The following DCC variants were observed in gnomAD, a reference collection of about 807,000 sequenced individuals.
DCC encodes netrin receptor DCC.
In DCC, 58 loss-of-function variants were observed where a neutral mutation model predicts 172.5. The ratio of observed to expected loss-of-function variants is 0.34; its 90% CI spans 0.27 to 0.42. The LOEUF (loss-of-function observed/expected upper bound fraction) is 0.42. DCC is among the 10% of genes least tolerant of loss of function. DCC has a pLI of 1.00. For synonymous variants in DCC, 709 were observed against 644.5 expected, an observed-to-expected ratio of 1.10 and a Z score of -1.52; for missense variants, 1,740 against 1,791.0, an observed-to-expected ratio of 0.97 and a Z score of 0.51.
chr18:52,756,396 A>G (rs2037076572), intron 2 of DCC, among the ~76,000 whole-genome samples: 1 of 152,086 alleles, frequency 6.6e-6, no homozygotes, highest in Non-Finnish European at 1.5e-5. Context: ...CGCTGTTGCC[A>G]TCCTCCTCTC....
At chr18:53,207,644 TC>T (rs1308410581) in intron 10 of DCC, 34 bp from the exon 11 acceptor site, 10 of 1,603,078 alleles carry the variant, frequency 6.2e-6, no homozygotes, top group Admixed American at 1.7e-5. Flanking sequence ...TTAATGTGCT[TC>T]CTTGATAACA....
chr18:53,267,139 T>C (rs1338857826), intron 12 of DCC, among the ~76,000 whole-genome samples: 3 of 149,992 alleles, frequency 2.0e-5, no homozygotes, highest in Non-Finnish European at 4.4e-5. Context: ...CACACATATA[T>C]ATATATATAT....
chr18:52,422,697 A>T (rs1987290030), intron 1 of DCC, among the ~76,000 whole-genome samples: 1 of 152,320 alleles, frequency 6.6e-6, no homozygotes, highest in Admixed American at 6.5e-5. Flanking sequence ...GTGCTTTGTG[A>T]AGGTGGAAGA....
At chr18:53,022,590 G>A (rs944937013) in intron 5 of DCC, among the ~76,000 whole-genome samples, 2 of 151,190 alleles carry the variant, frequency 1.3e-5, no homozygotes, top group Admixed American at 6.6e-5. Flanking sequence ...GGAACACCAT[G>A]GGAAAACTAG....
rs1214912487 is a variant in DCC, at chr18:52,960,307, G to A, written c.985+34937G>A. ...CTGTAATTAAAATTTTTTAACATTT[G>A]TGATAAATTACATAAATCACTACAC... On this transcript the variant is annotated intron_variant, in intron 5 of 28. Coordinates refer to ENST00000442544, the MANE Select transcript of DCC (RefSeq NM_005215.4). Among the ~76,000 whole-genome samples, 3 of 152,182 alleles carry A rather than the reference G, an allele frequency of 2.0e-5. No homozygotes were observed. In the East Asian group the frequency reaches 5.8e-4, roughly 29 times the overall value.
chr18:52,986,779 A>C (rs997437941), intron 5 of DCC, among the ~76,000 whole-genome samples: 2 of 148,690 alleles, frequency 1.3e-5, no homozygotes, highest in Non-Finnish European at 2.9e-5. Flanking sequence ...ATACACATAC[A>C]TATGCATATA....
intron 7 of DCC, among the ~76,000 whole-genome samples, chr18:53,107,521 CA>C (rs11361848): frequency 0.14 from 11,886 of 85,440 alleles, 689 homozygotes; most frequent in East Asian, 0.4. Flanking sequence ...AACTTTGATC[CA>C]AAAAAAAAAA....
intron 1 of DCC, among the ~76,000 whole-genome samples, chr18:52,481,375 A>G (rs2029954107): frequency 6.6e-6 from 1 of 152,022 alleles, no homozygotes; most frequent in African/African-American, 2.4e-5. Context: ...TCCACCTTAC[A>G]ACATTTGCTA....
At chr18:52,356,308 A>T (rs901600960) in intron 1 of DCC, among the ~76,000 whole-genome samples, 6 of 152,196 alleles carry the variant, frequency 3.9e-5, no homozygotes, top group African/African-American at 1.4e-4. Flanking sequence ...CTACTGGAAT[A>T]AGTCTGTGCT....
intron 1 of DCC, among the ~76,000 whole-genome samples, chr18:52,493,149 T>C (rs1025512941): frequency 1.3e-5 from 2 of 152,078 alleles, no homozygotes; most frequent in Non-Finnish European, 2.9e-5. Context: ...ACAAAAATCC[T>C]GATGGGTGTT....
chr18:52,908,773 A>T (rs1281213149), intron 3 of DCC, among the ~76,000 whole-genome samples: 3 of 152,204 alleles, frequency 2.0e-5, no homozygotes, highest in Non-Finnish European at 4.4e-5. Flanking sequence ...GAGATGTGTG[A>T]GCATTTCTTA....
At chr18:53,455,211 A>G (rs1319212138) in intron 23 of DCC, among the ~76,000 whole-genome samples, 4 of 152,216 alleles carry the variant, frequency 2.6e-5, no homozygotes, top group African/African-American at 9.6e-5. Context: ...GATGTTGGGC[A>G]TGTCTTTTAA....
intron 5 of DCC, among the ~76,000 whole-genome samples, chr18:53,054,473 A>G (rs1238615676): frequency 6.6e-6 from 1 of 152,146 alleles, no homozygotes; most frequent in Non-Finnish European, 1.5e-5. Context: ...TATATTAACA[A>G]AAGCGTAGCA....
At chr18:53,512,596 C>T (rs998371685) in intron 27 of DCC, among the ~76,000 whole-genome samples, 46 of 150,760 alleles carry the variant, frequency 3.1e-4, no homozygotes, top group African/African-American at 9.6e-4. Flanking sequence ...CTAGAATAAC[C>T]AATACAGAGA....
At chr18:52,788,631 C>T (rs2037703526) in intron 2 of DCC, among the ~76,000 whole-genome samples, 1 of 152,106 alleles carries the variant, frequency 6.6e-6, no homozygotes, top group Non-Finnish European at 1.5e-5. Flanking sequence ...TTTTTGTAGA[C>T]ATTACGCATA....
intron 7 of DCC, among the ~76,000 whole-genome samples, chr18:53,090,062 G>T (rs2042980178): frequency 6.6e-6 from 1 of 152,104 alleles, no homozygotes; most frequent in African/African-American, 2.4e-5. Flanking sequence ...TCAAGTTCAT[G>T]TTCTGACACA....
At chr18:52,794,238 A>G (rs1007979192) in intron 2 of DCC, among the ~76,000 whole-genome samples, 2 of 152,012 alleles carry the variant, frequency 1.3e-5, no homozygotes, top group African/African-American at 4.8e-5. Flanking sequence ...CTGTAGTACT[A>G]TGGTGGCATT....
At chr18:53,498,012 ATCTT>A (rs1320141892) in intron 26 of DCC, among the ~76,000 whole-genome samples, 1 of 152,120 alleles carries the variant, frequency 6.6e-6, no homozygotes, top group African/African-American at 2.4e-5. Context: ...CCTTGTATCT[ATCTT>A]TCTACCTTCA....
At chr18:52,550,290 C>T (rs765686759) in intron 1 of DCC, among the ~76,000 whole-genome samples, 5 of 151,794 alleles carry the variant, frequency 3.3e-5, no homozygotes, top group South Asian at 2.1e-4. Flanking sequence ...ACAGGCACAA[C>T]GAGCCTAAGG....
Sources: gnomAD v4.1 joint callset for allele counts (sites outside exome capture counted in the v4.1 genomes callset) on GRCh38, gnomAD v4.1.1 for gene constraint, MANE v1.5 for transcripts, NCBI Gene and HGNC (gene_info 2026-07-23, HGNC 2026-07-21) for gene names.